The following TCAIM variants were observed in gnomAD, a reference collection of about 807,000 sequenced individuals.
TCAIM encodes T-cell activation inhibitor, mitochondrial.
In TCAIM, 36 loss-of-function variants were observed where a neutral mutation model predicts 58.6. The ratio of observed to expected loss-of-function variants is 0.61; its 90% CI spans 0.47 to 0.81. The LOEUF (loss-of-function observed/expected upper bound fraction) is 0.81. Ranked by LOEUF, TCAIM falls within the 30% of genes least tolerant of loss-of-function variation. The pLI is 0.00. For synonymous variants in TCAIM, 172 were observed against 193.6 expected (o/e 0.89, Z 0.93); for missense variants, 466 against 579.6 (o/e 0.80, Z 2.01).
chr3:44,389,808 G>A (rs537020331), intron 5 of TCAIM, among the ~76,000 whole-genome samples: 27 of 150,152 alleles, frequency 1.8e-4, no homozygotes, highest in African/African-American at 4.4e-4. Context: ...CTTTCTCAGC[G>A]TGTAAGACCC....
At chr3:44,345,557 G>C (rs1700949590) in intron 1 of TCAIM, among the ~76,000 whole-genome samples, 1 of 152,082 alleles carries the variant, frequency 6.6e-6, no homozygotes, top group Non-Finnish European at 1.5e-5. Flanking sequence ...TGACTAACGA[G>C]TCCTCCACGA....
intron 1 of TCAIM, among the ~76,000 whole-genome samples, chr3:44,348,109 C>T (rs984174723): frequency 1.3e-5 from 2 of 152,144 alleles, no homozygotes; most frequent in Admixed American, 6.5e-5. Flanking sequence ...GCCTGGCCGT[C>T]AATACCCACA....
At chr3:44,396,268 A>G (rs557642860) in intron 6 of TCAIM, 132 bp from the exon 7 acceptor site, 18 of 661,358 alleles carry the variant, frequency 2.7e-5, no homozygotes, top group African/African-American at 2.6e-4. Context: ...CATATGATCA[A>G]TCAAAACATG....
chr3:44,372,002 GA>G (rs1491415739), intron 5 of TCAIM, among the ~76,000 whole-genome samples: 1 of 146,868 alleles, frequency 6.8e-6, no homozygotes, highest in South Asian at 2.2e-4. Flanking sequence ...GAGAGAGAGA[GA>G]AAGAGAGAAG....
intron 10 of TCAIM, 58 bp from the exon 11 acceptor site, chr3:44,407,384 T>C: frequency 8.0e-7 from 1 of 1,251,502 alleles, no homozygotes; most frequent in East Asian, 2.6e-5. Context: ...GTGTGTTCTT[T>C]TGTTTGGTTA....
intron 10 of TCAIM, among the ~76,000 whole-genome samples, chr3:44,404,032 C>A (rs1003844374): frequency 1.3e-5 from 2 of 152,188 alleles, no homozygotes; most frequent in Non-Finnish European, 2.9e-5. Context: ...CTGGGACTCT[C>A]CTCTCACTCG....
chr3:44,404,815 T>TTA (rs1214497723), intron 10 of TCAIM, among the ~76,000 whole-genome samples: 14 of 142,588 alleles, frequency 9.8e-5, no homozygotes, highest in African/African-American at 3.6e-4. Context: ...GCCATTTTTT[T>TTA]ATGGCAAAAA....
chr3:44,374,082 G>C (rs1701524983), intron 5 of TCAIM, among the ~76,000 whole-genome samples: 1 of 151,936 alleles, frequency 6.6e-6, no homozygotes, highest in Non-Finnish European at 1.5e-5. Flanking sequence ...ATCAATTTTT[G>C]TGTTCATGAA....
chr3:44,359,070 A>T, intron 3 of TCAIM: 3 of 983,428 alleles, frequency 3.1e-6, no homozygotes, highest in Non-Finnish European at 3.6e-6. Context: ...ATATTATTCT[A>T]CCAATGTATT....
At chr3:44,386,080 G>A (rs1701734641) in intron 5 of TCAIM, among the ~76,000 whole-genome samples, 1 of 151,190 alleles carries the variant, frequency 6.6e-6, no homozygotes, top group Non-Finnish European at 1.5e-5. Context: ...AGGCAGAGTG[G>A]CTCGCACCTA....
At chr3:44,346,532 G>A (rs1474806190) in intron 1 of TCAIM, among the ~76,000 whole-genome samples, 1 of 152,178 alleles carries the variant, frequency 6.6e-6, no homozygotes, top group East Asian at 1.9e-4. Flanking sequence ...AACAATCCCT[G>A]AGGAGTAGTA....
chr3:44,367,738 G>A, intron 5 of TCAIM, 30 bp downstream of exon 5: 1 of 1,548,972 alleles, frequency 6.5e-7, no homozygotes, highest in East Asian at 2.3e-5. Flanking sequence ...TAACTAAACT[G>A]TATTTGTAGT....
intron 5 of TCAIM, among the ~76,000 whole-genome samples, chr3:44,372,033 GGAA>G: frequency 1.4e-5 from 2 of 143,044 alleles, no homozygotes; most frequent in South Asian, 4.6e-4. Flanking sequence ...AAGGAAGGAA[GGAA>G]GGAAGGAAGG....
chr3:44,374,148 G>T (rs1701526071), intron 5 of TCAIM, among the ~76,000 whole-genome samples: 1 of 152,180 alleles, frequency 6.6e-6, no homozygotes, highest in Non-Finnish European at 1.5e-5. Context: ...TTTGGGATTT[G>T]ATAGTCATGA....
At chr3:44,355,447 AG>A (rs1701172764) in intron 2 of TCAIM, among the ~76,000 whole-genome samples, 1 of 152,228 alleles carries the variant, frequency 6.6e-6, no homozygotes, top group African/African-American at 2.4e-5. Context: ...TGCAGGAATT[AG>A]GGCACCACCA....
chr3:44,369,066 G>A (rs2125638503), intron 5 of TCAIM, among the ~76,000 whole-genome samples: 1 of 152,260 alleles, frequency 6.6e-6, no homozygotes, highest in Non-Finnish European at 1.5e-5. Flanking sequence ...TGGTGGCATA[G>A]AGGTTGCCGA....
At chr3:44,385,033 T>C (rs1701716876) in intron 5 of TCAIM, among the ~76,000 whole-genome samples, 1 of 152,198 alleles carries the variant, frequency 6.6e-6, no homozygotes, top group Non-Finnish European at 1.5e-5. Flanking sequence ...CTATCACCTC[T>C]GCAATGTATT....
At position 44,367,677 on chromosome 3, in the gene TCAIM, G is replaced by A; in HGVS notation, c.541G>A (p.Glu181Lys). 6.2e-7 allele frequency: 1 copy of A among 1,613,500 alleles called. No individual in the cohort carries two copies. Among genetic ancestry groups the A allele is most frequent in the Non-Finnish European group, 8.5e-7 (1 of 1,179,538 alleles). The change falls in exon 5 of 11, where the codon GAA (glutamate) becomes AAA (lysine). Residue 181 changes from glutamate to lysine, a missense_variant. Coordinates refer to ENST00000342649, the MANE Select transcript of TCAIM (RefSeq NM_173826.4). ...ATTCAAGGACCCTGATGAAGACCTTGAACAAGTCTCGAGAGTGGAAACAAC... is the reference window on the plus strand; with the variant it reads ...ATTCAAGGACCCTGATGAAGACCTTAAACAAGTCTCGAGAGTGGAAACAAC... The part of the protein sequence containing the change: ...TGFKDPDEDL[E>K]QVSRVETTLT...
chr3:44,340,126 C>G (rs949887236), intron 1 of TCAIM: 8 of 152,204 alleles, frequency 5.3e-5, no homozygotes, highest in African/African-American at 1.9e-4. Flanking sequence ...ACTTTTGGAG[C>G]TAGTGTCTGA....
Sources: gnomAD v4.1 joint callset for allele counts (sites outside exome capture counted in the v4.1 genomes callset) on GRCh38, gnomAD v4.1.1 for gene constraint, MANE v1.5 for transcripts, NCBI Gene and HGNC (gene_info 2026-07-23, HGNC 2026-07-21) for gene names.